The following ZNF91 variants were observed in gnomAD, a reference collection of about 807,000 sequenced individuals.
ZNF91 encodes zinc finger protein 91, also known as zinc finger protein 91 (HPF7, HTF10).
A neutral mutation model predicts 12.6 loss-of-function variants in ZNF91; 7 were observed. The observed-to-expected ratio is 0.55, with a 90% CI of 0.31 to 1.04. The LOEUF (loss-of-function observed/expected upper bound fraction) is 1.04, where lower values mean the gene tolerates loss of function less well. Among genes scored for constraint, ZNF91 ranks in the 50% least tolerant of loss-of-function variants. ZNF91 has a pLI of 0.05. For synonymous variants in ZNF91, 453 were observed against 462.6 expected, an observed-to-expected ratio of 0.98 and a Z score of 0.27; for missense variants, 1,217 against 1,385.4, an observed-to-expected ratio of 0.88 and a Z score of 1.93.
At chr19:23,374,804 T>C in intron 1 of ZNF91, 40 bp from the exon 2 acceptor site, 1 of 1,596,924 alleles carries the variant, frequency 6.3e-7, no homozygotes, top group Non-Finnish European at 8.5e-7. Context: ...ACAAAGTGGC[T>C]ATGGGCAGAA....
At chr19:23,353,005 A>G (rs1303699713), downstream of ZNF91, among the ~76,000 whole-genome samples, 2 of 152,256 alleles carry the variant, frequency 1.3e-5, no homozygotes, top group African/African-American at 4.8e-5. Context: ...CAACACTGTA[A>G]TAGTGGCAAA....
chr19:23,336,584 T>C (rs538445603), downstream of ZNF91, among the ~76,000 whole-genome samples: 72 of 152,310 alleles, frequency 4.7e-4, no homozygotes, highest in Non-Finnish European at 9.0e-4. Flanking sequence ...TAGCTCCTTT[T>C]CCTATTAGCA....
At chr19:23,376,569 T>C (rs8102644) in intron 1 of ZNF91, among the ~76,000 whole-genome samples, 44,322 of 151,762 alleles carry the variant, frequency 0.29, 6,825 homozygotes, top group East Asian at 0.39. Flanking sequence ...TTGTATTTTT[T>C]GTAGAGACAG....
At position 23,357,739 on chromosome 19, in the gene ZNF91, T is replaced by C. The variant is rs1968528957; in HGVS notation, c.*1664A>G. ...TTGTATATAAGTTTTATTATGACCA[T>C]AAAAATAATCCTGTAGTCAACAACA... is the stretch of plus-strand genomic sequence containing the variant. On this transcript the variant is annotated 3_prime_UTR_variant, in exon 4 of 4. Transcript: ENST00000300619. 1 of 152,154 alleles carries C rather than the reference T, an allele frequency of 6.6e-6. No homozygotes were observed. The highest frequency in any genetic ancestry group is 1.5e-5 in the Non-Finnish European group (1 of 68,004). The allele number at this position is 152,154 out of a possible 1,614,324, so 9.4% of individuals were successfully genotyped here. A position where few individuals can be genotyped will look rare whatever the true frequency, so the allele number is the denominator to read the frequency against.
chr19:23,380,579 G>A (rs1408419151), intron 1 of ZNF91: 2 of 152,008 alleles, frequency 1.3e-5, no homozygotes, highest in South Asian at 2.1e-4. Context: ...CTCTCATTCC[G>A]AGAAAGATTA....
At chr19:23,382,854 C>A (rs1969765430) in intron 1 of ZNF91, among the ~76,000 whole-genome samples, 1 of 152,126 alleles carries the variant, frequency 6.6e-6, no homozygotes, top group African/African-American at 2.4e-5. Context: ...AAAAACTGAA[C>A]TGTAATAAAT....
intron 1 of ZNF91, chr19:23,385,096 T>G: frequency 1.2e-6 from 1 of 868,632 alleles, no homozygotes; most frequent in Non-Finnish European, 1.9e-6. Flanking sequence ...CAGCCACTCC[T>G]CCAACCTGTC....
At chr19:23,342,289 T>A (rs978844011) in intron 3 of ZNF91, 2 of 424,442 alleles carry the variant, frequency 4.7e-6, no homozygotes, top group Admixed American at 3.5e-5. Context: ...AAAATTAGCA[T>A]GACTTTCTGG....
chr19:23,354,941 C>T (rs558714607), downstream of ZNF91, among the ~76,000 whole-genome samples: 18 of 152,204 alleles, frequency 1.2e-4, no homozygotes, highest in African/African-American at 3.6e-4. Flanking sequence ...AACTACAAAA[C>T]ACTGCTGAAA....
intron 3 of ZNF91, among the ~76,000 whole-genome samples, chr19:23,306,461 G>A (rs939354727): frequency 4.6e-5 from 7 of 151,544 alleles, no homozygotes; most frequent in Non-Finnish European, 8.8e-5. Context: ...GAATTGTAAC[G>A]TATCACCGGG....
chr19:23,315,613 T>A (rs1189722271), upstream of ZNF91, among the ~76,000 whole-genome samples: 1 of 151,808 alleles, frequency 6.6e-6, no homozygotes, highest in Non-Finnish European at 1.5e-5. Flanking sequence ...GTGGAAATTG[T>A]GACATATTGC....
Position 23,360,784 on chromosome 19 carries a change from T to C in ZNF91, c.2195A>G (p.His732Arg), listed in dbSNP as rs765579955. 5.0e-6 allele frequency: 8 copies of C among 1,613,174 alleles called. No individual in the cohort carries two copies. Among genetic ancestry groups the C allele is most frequent in the Non-Finnish European group, 5.9e-6 (7 of 1,179,492 alleles). Residue 732 changes from histidine (H) to arginine (R), a missense_variant, in exon 4 of 4, where the codon CAT becomes CGT. Transcript: ENST00000300619. ...TTTCTCTCCAGTATGAATAAACTTA[T>C]GTATAGTAAGATTTGAAGATCGATT... ...AFNRSSNLTI[H>R]KFIHTGEKPY...
At chr19:23,340,456 A>G (rs1416355946) in intron 3 of ZNF91, among the ~76,000 whole-genome samples, 1 of 152,120 alleles carries the variant, frequency 6.6e-6, no homozygotes, top group Non-Finnish European at 1.5e-5. Flanking sequence ...CATGGAAACA[A>G]ACAACCTCCC....
chr19:23,320,678 G>A (rs1401143482), intron 1 of ZNF91, among the ~76,000 whole-genome samples: 1 of 152,228 alleles, frequency 6.6e-6, no homozygotes, highest in Non-Finnish European at 1.5e-5. Context: ...AATTGTAGAT[G>A]AGATTTGGGT....
intron 3 of ZNF91, among the ~76,000 whole-genome samples, chr19:23,345,120 G>GA: frequency 6.6e-6 from 1 of 152,292 alleles, no homozygotes; most frequent in African/African-American, 2.4e-5. Context: ...GTCTTAGGGG[G>GA]ATGCCTCTAA....
chr19:23,343,003 A>G (rs1319617458), intron 3 of ZNF91, among the ~76,000 whole-genome samples: 1 of 152,236 alleles, frequency 6.6e-6, no homozygotes. Flanking sequence ...CCAATAAAAT[A>G]TTGTTAAATA....
intron 3 of ZNF91, among the ~76,000 whole-genome samples, chr19:23,342,705 C>T (rs978448151): frequency 6.6e-6 from 1 of 152,040 alleles, no homozygotes; most frequent in Non-Finnish European, 1.5e-5. Flanking sequence ...CAAAATCATT[C>T]TACAAAGGGA....
intron 3 of ZNF91, chr19:23,306,774 A>T (rs1323026720): frequency 6.6e-6 from 1 of 152,000 alleles, no homozygotes; most frequent in Non-Finnish European, 1.5e-5. Flanking sequence ...TGCCTAGCTT[A>T]TGTGACTTTT....
intron 3 of ZNF91, among the ~76,000 whole-genome samples, chr19:23,346,360 C>T (rs1201164682): frequency 6.6e-6 from 1 of 152,098 alleles, no homozygotes; most frequent in Admixed American, 6.5e-5. Flanking sequence ...AGGCAGTTCC[C>T]AACCAGGACC....
Sources: gnomAD v4.1 joint callset for allele counts (sites outside exome capture counted in the v4.1 genomes callset) on GRCh38, gnomAD v4.1.1 for gene constraint, MANE v1.5 for transcripts, NCBI Gene and HGNC (gene_info 2026-07-23, HGNC 2026-07-21) for gene names.